Variants in AFF3 observed in about 807,000 individuals in gnomAD.
AFF3 encodes AF4/FMR2 family member 3.
Under a neutral mutation model 129.7 loss-of-function variants are expected in AFF3, and 32 were observed. The observed-to-expected ratio is 0.25, with a 90% confidence interval of 0.19 to 0.33. AFF3 has a LOEUF of 0.33. Ranked by LOEUF, AFF3 falls within the 10% of genes least tolerant of loss-of-function variation. The pLI, the probability that AFF3 is intolerant of heterozygous loss-of-function variation, is 1.00. For missense variants in AFF3, 1,373 were observed against 1,592.0 expected, an observed-to-expected ratio of 0.86 and a Z score of 2.34; for synonymous variants, 644 against 635.4, an observed-to-expected ratio of 1.01 and a Z score of -0.20.
chr2:99,550,669 A>C lies in AFF3; in HGVS notation c.*805T>G. The C allele has an allele frequency of 4.3e-6, 1 of 232,854 alleles. No individual in the cohort carries two copies. The highest frequency in any genetic ancestry group is 6.0e-5 in the East Asian group (1 of 16,542). 14.4% of individuals were successfully genotyped at this position (232,854 alleles called of 1,614,324 possible). A position where few individuals can be genotyped will look rare whatever the true frequency, so the allele number is the denominator to read the frequency against. On this transcript the variant is annotated 3_prime_UTR_variant, in exon 25 of 25. Transcript: ENST00000672756. Reference sequence around the variant, plus strand: ...CTTCAACTCCTAACTGAGCTCCAACACACAGGCACTGCTACCTTAGTGTCT... The same window carrying C: ...CTTCAACTCCTAACTGAGCTCCAACCCACAGGCACTGCTACCTTAGTGTCT...
At chr2:99,563,450 A>G (rs1575361726) in intron 20 of AFF3, among the ~76,000 whole-genome samples, 1 of 151,274 alleles carries the variant, frequency 6.6e-6, no homozygotes, top group African/African-American at 2.4e-5. Flanking sequence ...TCAGCCTCCC[A>G]AAGTGCTGGG....
At chr2:99,645,143 T>C (rs538814918) in intron 13 of AFF3, among the ~76,000 whole-genome samples, 1 of 152,268 alleles carries the variant, frequency 6.6e-6, no homozygotes, top group Non-Finnish European at 1.5e-5. Context: ...GAGACCTGCC[T>C]GGGCAACATG....
intron 13 of AFF3, 62 bp downstream of exon 13, chr2:99,649,564 C>T (rs1433455854): frequency 1.9e-5 from 29 of 1,541,432 alleles, no homozygotes; most frequent in Admixed American, 7.0e-5. Flanking sequence ...TTATATGCCA[C>T]AATAAATAGG....
intron 1 of AFF3, among the ~76,000 whole-genome samples, chr2:100,140,498 C>T (rs1262118342): frequency 6.6e-6 from 1 of 152,150 alleles, no homozygotes; most frequent in African/African-American, 2.4e-5. Context: ...ATGGTCAGAT[C>T]CCAACGCTGC....
At chr2:99,645,889 A>G (rs1370139581) in intron 13 of AFF3, among the ~76,000 whole-genome samples, 2 of 152,210 alleles carry the variant, frequency 1.3e-5, no homozygotes, top group Non-Finnish European at 2.9e-5. Flanking sequence ...GGAGAAATGG[A>G]AAGACAAGAC....
At chr2:99,628,201 T>A (rs1200699028) in intron 13 of AFF3, among the ~76,000 whole-genome samples, 2 of 152,356 alleles carry the variant, frequency 1.3e-5, no homozygotes, top group South Asian at 2.1e-4. Context: ...TCCAAAAGCA[T>A]AAAATGTTTA....
intron 4 of AFF3, among the ~76,000 whole-genome samples, chr2:100,070,655 T>C (rs1388598518): frequency 6.6e-6 from 1 of 152,190 alleles, no homozygotes; most frequent in African/African-American, 2.4e-5. Context: ...TAACAGTACA[T>C]GATAATTTTA....
At chr2:99,552,161 A>G (rs1674468027) in intron 24 of AFF3, among the ~76,000 whole-genome samples, 1 of 152,180 alleles carries the variant, frequency 6.6e-6, no homozygotes, top group Admixed American at 6.6e-5. Context: ...TGAGGCGGGT[A>G]GAACGCTTGA....
At position 99,649,646 on chromosome 2, in the gene AFF3, A is replaced by G; in HGVS notation, c.1164T>C (p.Ala388=). Residue 388 remains alanine, a synonymous_variant, in exon 13 of 25, where the codon GCT becomes GCC. Transcript: ENST00000672756. ...TGTACCTGTCAGAGAGAGCGCGGAG[A>G]GCCGTTCTCTGAGCTGCCTGCTGGA... ...ENEQQAAQRT[A]LRALSDSAVV... 6.2e-7 allele frequency: 1 copy of G among 1,614,210 alleles called. No homozygotes were observed. The highest frequency in any genetic ancestry group is 8.5e-7 in the Non-Finnish European group (1 of 1,180,032).
intron 12 of AFF3, among the ~76,000 whole-genome samples, chr2:99,655,213 TACACACACACACACACACACACACACAC>T (rs59646108): frequency 6.1e-5 from 8 of 130,268 alleles, no homozygotes; most frequent in African/African-American, 9.0e-5. Context: ...CATGAAAAGC[TACACACACACACACACACACACACACAC>T]ACACACACAC....
intron 13 of AFF3, among the ~76,000 whole-genome samples, chr2:99,648,911 A>ACTCTCTCTCTCTCTCT (rs1310405470): frequency 5.5e-5 from 2 of 36,240 alleles, no homozygotes; most frequent in Non-Finnish European, 6.8e-5. Context: ...ACACACACAC[A>ACTCTCTCTCTCTCTCT]CACACACTCT....
intron 7 of AFF3, among the ~76,000 whole-genome samples, chr2:99,970,579 C>T (rs531731033): frequency 4.6e-5 from 7 of 152,196 alleles, no homozygotes; most frequent in Admixed American, 1.3e-4. Context: ...ACCACAGAAA[C>T]GAGCCTTCCT....
At chr2:99,639,213 A>G (rs1370047423) in intron 13 of AFF3, among the ~76,000 whole-genome samples, 1 of 152,222 alleles carries the variant, frequency 6.6e-6, no homozygotes, top group Non-Finnish European at 1.5e-5. Context: ...AATGTGTGTT[A>G]TGTACCTGAT....
chr2:100,066,267 A>G (rs984446556), intron 4 of AFF3, among the ~76,000 whole-genome samples: 3 of 152,220 alleles, frequency 2.0e-5, no homozygotes, highest in Non-Finnish European at 4.4e-5. Context: ...GAATTCTAAA[A>G]CTTCCATATG....
At chr2:99,875,786 G>A (rs1447837125) in intron 7 of AFF3, among the ~76,000 whole-genome samples, 1 of 152,190 alleles carries the variant, frequency 6.6e-6, no homozygotes, top group East Asian at 1.9e-4. Context: ...CCCACATGCA[G>A]CCTGGCTCAA....
At chr2:99,783,034 G>A (rs942867329) in intron 8 of AFF3, among the ~76,000 whole-genome samples, 5 of 152,172 alleles carry the variant, frequency 3.3e-5, no homozygotes, top group Non-Finnish European at 5.9e-5. Context: ...GGTACCTGGC[G>A]CCCAGGCTGG....
chr2:99,855,200 G>C (rs1190140788), intron 7 of AFF3, among the ~76,000 whole-genome samples: 1 of 152,092 alleles, frequency 6.6e-6, no homozygotes, highest in Non-Finnish European at 1.5e-5. Context: ...AAGGGTAAAG[G>C]GTTTCTTTTG....
In AFF3 at chr2:99,548,600, G is replaced by A. The variant is rs572957434; in HGVS notation, c.*2874C>T. The A allele has an allele frequency of 4.1e-4, 83 of 202,588 alleles. No homozygotes were observed. The highest frequency in any genetic ancestry group is 1.8e-3 in the African/African-American group (77 of 43,672). 12.5% of individuals were successfully genotyped at this position (202,588 alleles called of 1,614,324 possible). A position where few individuals can be genotyped will look rare whatever the true frequency, so the allele number is the denominator to read the frequency against. On this transcript the variant is annotated 3_prime_UTR_variant, in exon 25 of 25. Coordinates refer to ENST00000672756, the MANE Select transcript of AFF3 (RefSeq NM_001386135.1). ...AAAAAAAATAAAGAAAAAATTAGCC[G>A]GGTGTGGTGGCACGTGCCTATCTTC...
At chr2:99,767,842 G>A (rs1274568558) in intron 8 of AFF3, among the ~76,000 whole-genome samples, 2 of 152,196 alleles carry the variant, frequency 1.3e-5, no homozygotes, top group South Asian at 2.1e-4. Flanking sequence ...CTACTCAGGA[G>A]GCTGAGGCAG....
Sources: gnomAD v4.1 joint callset for allele counts (sites outside exome capture counted in the v4.1 genomes callset) on GRCh38, gnomAD v4.1.1 for gene constraint, MANE v1.5 for transcripts, NCBI Gene and HGNC (gene_info 2026-07-23, HGNC 2026-07-21) for gene names.